Variants in MAP3K10 observed in about 807,000 individuals in gnomAD.
MAP3K10 encodes the protein MKN28 derived nonreceptor_type serine/threonine kinase.
A neutral mutation model predicts 75.0 loss-of-function variants in MAP3K10; 22 were observed. That is an observed-to-expected ratio of 0.29 (90% CI 0.21 to 0.42). The LOEUF (loss-of-function observed/expected upper bound fraction) is 0.42, where lower values mean the gene tolerates loss of function less well. Ranked by LOEUF, MAP3K10 falls within the 10% of genes least tolerant of loss-of-function variation. MAP3K10 has a pLI of 1.00. For missense variants in MAP3K10, 1,165 were observed against 1,379.8 expected, an observed-to-expected ratio of 0.84 and a Z score of 2.47; for synonymous variants, 599 against 612.9, an observed-to-expected ratio of 0.98 and a Z score of 0.34.
intron 1 of MAP3K10, among the ~76,000 whole-genome samples, chr19:40,196,907 CACT>C (rs1459576005): frequency 1.3e-5 from 2 of 152,180 alleles, no homozygotes; most frequent in Non-Finnish European, 2.9e-5. Context: ...ACAGTACAAA[CACT>C]AGCCATGATC....
Position 40,192,668 on chromosome 19 carries a change from G to A in MAP3K10, c.637G>A (p.Asp213Asn). ...VARGMNYLHN[D>N]APVPIIHRDL... ...CCGGGGCATGAACTACCTACACAAT[G>A]ATGCCCCTGTGCCCATCATCCACCG... The change falls in exon 1 of 10, where the codon GAT (aspartate) becomes AAT (asparagine). Residue 213 changes from aspartate (D) to asparagine (N), a missense_variant. Transcript: ENST00000253055. The surrounding 1 kb of genome is among the most constrained non-coding windows in gnomAD (Gnocchi z 7.1). The A allele has an allele frequency of 6.3e-7, 1 of 1,578,338 alleles. No homozygotes were observed. The highest frequency in any genetic ancestry group is 8.6e-7 in the Non-Finnish European group (1 of 1,161,052).
intron 2 of MAP3K10, among the ~76,000 whole-genome samples, chr19:40,203,894 C>T (rs1973070418): frequency 6.6e-6 from 1 of 152,160 alleles, no homozygotes; most frequent in African/African-American, 2.4e-5. Flanking sequence ...AATAGTTACA[C>T]AAGGGAAGAG....
At position 40,204,969 on chromosome 19, in the gene MAP3K10, A is replaced by G; in HGVS notation, c.1013-152A>G. On this transcript the variant is annotated intron_variant, in intron 3 of 9. Transcript: ENST00000253055. The surrounding 1 kb of genome is among the most constrained non-coding windows in gnomAD (Gnocchi z 4.3). ...GTTTCACTGAGTGGAATTGGCCAGG[A>G]GCTTGGCTTTGAATCCCTTCCCCTC... 5.3e-6 allele frequency: 4 copies of G among 751,692 alleles called. No homozygotes were observed. Among genetic ancestry groups the G allele is most frequent in the Non-Finnish European group, 9.1e-6 (4 of 440,708 alleles). The allele number at this position is 751,692 out of a possible 1,614,324, so 46.6% of individuals were successfully genotyped here. A position where few individuals can be genotyped will look rare whatever the true frequency, so the allele number is the denominator to read the frequency against.
rs1245410913 is a variant in MAP3K10 at position 40,191,968 on chromosome 19, C to T, written c.-64C>T. 4.2e-6 allele frequency: 5 copies of T among 1,188,196 alleles called. No individual in the cohort carries two copies. Among genetic ancestry groups the T allele is most frequent in the South Asian group, 1.7e-5 (1 of 58,938 alleles). The allele number at this position is 1,188,196 out of a possible 1,614,324, so 73.6% of individuals were successfully genotyped here. A position where few individuals can be genotyped will look rare whatever the true frequency, so the allele number is the denominator to read the frequency against. On this transcript the variant is annotated 5_prime_UTR_variant, in exon 1 of 10. Transcript: ENST00000253055. ...GCCCTCCATCCCGGCCGCCGGGGCC[C>T]GCCCTCTGCATCCCGCGGGCAGCCT... is the stretch of plus-strand genomic sequence containing the variant.
chr19:40,207,065 C>T (rs1475090213), intron 5 of MAP3K10, among the ~76,000 whole-genome samples: 1 of 152,134 alleles, frequency 6.6e-6, no homozygotes, highest in East Asian at 1.9e-4. Context: ...TGCCACTGCA[C>T]TCCAGCCTGG....
chr19:40,198,439 C>T lies in MAP3K10; in HGVS notation c.747C>T (p.Phe249=), dbSNP rs142393148. The part of the protein sequence containing the change: ...LADTVLKITD[F]GLAREWHKTT... ...ACACGGTGCTCAAGATCACGGACTT[C>T]GGCCTCGCCCGCGAGTGGCACAAGA... Residue 249 remains phenylalanine, a synonymous_variant, in exon 2 of 10, where the codon TTC becomes TTT. Coordinates refer to ENST00000253055, the MANE Select transcript of MAP3K10 (RefSeq NM_002446.4). This position sits in a 1 kb window ranked among gnomAD's most constrained non-coding sequence, Gnocchi z 4.3. 3.7e-4 allele frequency: 600 copies of T among 1,614,038 alleles called. No homozygotes were observed. The highest frequency in any genetic ancestry group is 4.4e-4 in the South Asian group (40 of 91,090).
chr19:40,212,718 G>T lies in MAP3K10; in HGVS notation c.1553-87G>T. 1 of 1,517,602 alleles carries T rather than the reference G, an allele frequency of 6.6e-7. No homozygotes were observed. The highest frequency in any genetic ancestry group is 8.9e-7 in the Non-Finnish European group (1 of 1,126,852). 94.0% of individuals were successfully genotyped at this position (1,517,602 alleles called of 1,614,324 possible). On this transcript the variant is annotated intron_variant, in intron 6 of 9. Transcript: ENST00000253055. This position sits in a 1 kb window ranked among gnomAD's most constrained non-coding sequence, Gnocchi z 4.2. ...GAGCCCTTGGACTCCCAGGCGGAGG[G>T]TGGGCCTGAGCTGGGGGCACTGGAG...
In MAP3K10 at chr19:40,205,367, G is replaced by C. The variant is rs1267310583; in HGVS notation, c.1188+71G>C. 1.3e-6 allele frequency: 2 copies of C among 1,530,790 alleles called. No homozygotes were observed. The highest frequency in any genetic ancestry group is 1.8e-6 in the Non-Finnish European group (2 of 1,115,360). 94.8% of individuals were successfully genotyped at this position (1,530,790 alleles called of 1,614,324 possible). On this transcript the variant is annotated intron_variant, in intron 4 of 9. Coordinates refer to ENST00000253055, the MANE Select transcript of MAP3K10 (RefSeq NM_002446.4). The surrounding 1 kb of genome is among the most constrained non-coding windows in gnomAD (Gnocchi z 4.3). ...GTTCTGATGCCTTGGGCTGCTCAGA[G>C]ACTCCTCCCCTGAACCCCAGCCTTT...
chr19:40,195,450 T>G (rs1972887152), intron 1 of MAP3K10, among the ~76,000 whole-genome samples: 2 of 133,846 alleles, frequency 1.5e-5, no homozygotes, highest in African/African-American at 2.8e-5. Flanking sequence ...CAGGAGGAGG[T>G]AACACTGAAG....
Position 40,215,077 on chromosome 19 carries a change from G to C in MAP3K10, c.2650G>C (p.Ala884Pro), listed in dbSNP as rs1260336778. Residue 884 changes from alanine to proline, a missense_variant, in exon 10 of 10, where the codon GCC becomes CCC. This residue lies in a region of MAP3K10 where 590 missense variants were observed against 586.6 expected (regional missense o/e 1.01). Coordinates refer to ENST00000253055, the MANE Select transcript of MAP3K10 (RefSeq NM_002446.4). ...AGGCCGCCCCACCACCCTGACCTTT[G>C]CCCCGAGACCTCGGCCGGCTGCCAG... is the stretch of plus-strand genomic sequence containing the variant. ...FPGRPTTLTF[A>P]PRPRPAASRP... 3 of 1,566,746 alleles carry C rather than the reference G, an allele frequency of 1.9e-6. No homozygotes were observed. The highest frequency in any genetic ancestry group is 4.7e-5 in the East Asian group (2 of 42,302).
Position 40,198,368 on chromosome 19 carries a change from C to T in MAP3K10, c.683-7C>T. 2 of 1,604,990 alleles carry T rather than the reference C, an allele frequency of 1.2e-6. No homozygotes were observed. The highest frequency in any genetic ancestry group is 1.7e-6 in the Non-Finnish European group (2 of 1,174,374). Reference sequence around the variant, plus strand: ...TGGGGTGACCCACCTTTCTTCCCACCCCACAGTCCTGATCCTGGAGGCCAT... The same window carrying T: ...TGGGGTGACCCACCTTTCTTCCCACTCCACAGTCCTGATCCTGGAGGCCAT... On this transcript the variant is annotated splice_polypyrimidine_tract_variant and splice_region_variant and intron_variant, in intron 1 of 9. Transcript: ENST00000253055. This position sits in a 1 kb window ranked among gnomAD's most constrained non-coding sequence, Gnocchi z 4.3.
chr19:40,206,306 A>C (rs948520842), intron 5 of MAP3K10, 149 bp downstream of exon 5: 3 of 943,312 alleles, frequency 3.2e-6, no homozygotes, highest in Admixed American at 3.6e-5. Flanking sequence ...AGTGGCGAGC[A>C]CTTGTAGTCC....
At chr19:40,197,735 A>G (rs1360224501) in intron 1 of MAP3K10, among the ~76,000 whole-genome samples, 6 of 152,200 alleles carry the variant, frequency 3.9e-5, no homozygotes, top group African/African-American at 1.4e-4. Flanking sequence ...GGTGATAGAC[A>G]CGAGGGGGAA....
chr19:40,192,439 A>G lies in MAP3K10; in HGVS notation c.408A>G (p.Ala136=), dbSNP rs1358105696. The change falls in exon 1 of 10, where the codon GCA becomes GCG. Residue 136 remains alanine (A), a synonymous_variant. Coordinates refer to ENST00000253055, the MANE Select transcript of MAP3K10 (RefSeq NM_002446.4). The surrounding 1 kb of genome is among the most constrained non-coding windows in gnomAD (Gnocchi z 7.1). ...AARLDPEKDP[A]VTAEQVCQEA... is the part of the protein sequence containing the mutation. ...GGCTGGACCCTGAGAAGGACCCGGC[A>G]GTGACAGCGGAGCAGGTGTGCCAGG... 1.9e-6 allele frequency: 3 copies of G among 1,613,940 alleles called. No homozygotes were observed. Among genetic ancestry groups the G allele is most frequent in the Middle Eastern group, 3.3e-4 (2 of 6,084 alleles).
chr19:40,204,367 T>C lies in MAP3K10; in HGVS notation c.864-118T>C, dbSNP rs181061411. 1.7e-4 allele frequency: 197 copies of C among 1,173,270 alleles called. 1 individual carries two copies. The African/African-American group carries it at 2.5e-3, about 15-fold the overall frequency. 72.7% of individuals were successfully genotyped at this position (1,173,270 alleles called of 1,614,324 possible). On this transcript the variant is annotated intron_variant, in intron 2 of 9. Coordinates refer to ENST00000253055, the MANE Select transcript of MAP3K10 (RefSeq NM_002446.4). The surrounding 1 kb of genome is among the most constrained non-coding windows in gnomAD (Gnocchi z 4.3). ...GTCAAAGCAAGTTCTTGTGACCTCA[T>C]TGGCCGGGGGTGGCTGTTGGGGTGA...
At chr19:40,197,616 G>A (rs940375441) in intron 1 of MAP3K10, among the ~76,000 whole-genome samples, 1 of 152,028 alleles carries the variant, frequency 6.6e-6, no homozygotes, top group Non-Finnish European at 1.5e-5. Context: ...GTGAGCCACC[G>A]TGCCTGGCCA....
Position 40,204,759 on chromosome 19 carries a change from C to A in MAP3K10, c.1012+126C>A, listed in dbSNP as rs1973085585. ...AGGAGTGAGGAAGAAGGGGCTGGAA[C>A]CCACTGGACTCTAAACAGCCTCCCC... On this transcript the variant is annotated intron_variant, in intron 3 of 9. Transcript: ENST00000253055. This position sits in a 1 kb window ranked among gnomAD's most constrained non-coding sequence, Gnocchi z 4.3. The A allele has an allele frequency of 2.6e-6, 3 of 1,173,662 alleles. 1 individual carries two copies. 72.7% of individuals were successfully genotyped at this position (1,173,662 alleles called of 1,614,324 possible).
At position 40,214,002 on chromosome 19, in the gene MAP3K10, T is replaced by TAC; in HGVS notation, c.2323_2324insAC (p.Ser775TyrfsTer48). ...TGACGAGGCCGCACCGGCCGCGCCC[T>TAC]CCCCACCACCCTCCCCGCCCGCGCC... is the stretch of plus-strand genomic sequence containing the variant. On this transcript the variant is annotated frameshift_variant, in exon 9 of 10. Transcript: ENST00000253055. LOFTEE classifies it high-confidence loss of function. The TAC allele has an allele frequency of 5.4e-6, 8 of 1,493,652 alleles. No individual in the cohort carries two copies. Among genetic ancestry groups the TAC allele is most frequent in the Admixed American group, 2.1e-5 (1 of 47,034 alleles). 92.5% of individuals were successfully genotyped at this position (1,493,652 alleles called of 1,614,324 possible).
Position 40,212,177 on chromosome 19 carries a change from G to A in MAP3K10, c.1553-628G>A, listed in dbSNP as rs1338891563. Among the ~76,000 whole-genome samples, 1 of 152,176 alleles carries A rather than the reference G, an allele frequency of 6.6e-6. No individual in the cohort carries two copies. The highest frequency in any genetic ancestry group is 2.4e-5 in the African/African-American group (1 of 41,448). On this transcript the variant is annotated intron_variant, in intron 6 of 9. Coordinates refer to ENST00000253055, the MANE Select transcript of MAP3K10 (RefSeq NM_002446.4). The surrounding 1 kb of genome is among the most constrained non-coding windows in gnomAD (Gnocchi z 4.2). ...ATGATGGAGGCCAGGCCAGGGTGGG[G>A]GACTTGGAAGGGACAGATGTCCACA...
Sources: allele counts gnomAD v4.1 joint callset (sites outside exome capture counted in the v4.1 genomes callset), GRCh38; gene constraint gnomAD v4.1.1; regional missense constraint gnomAD v4.1.1; non-coding constraint Gnocchi (gnomAD v3.1); transcripts MANE v1.5; gene names NCBI Gene and HGNC (gene_info 2026-07-23, HGNC 2026-07-21).